Variants in TDO2 observed in about 807,000 individuals in gnomAD.
The protein encoded by TDO2 is tryptamin 2,3-dioxygenase.
Under a neutral mutation model 61.2 loss-of-function variants are expected in TDO2, and 63 were observed. The observed-to-expected ratio is 1.03, with a 90% CI of 0.84 to 1.27. The LOEUF (loss-of-function observed/expected upper bound fraction) is 1.27, where lower values mean the gene tolerates loss of function less well. TDO2 is among the 50% of genes most tolerant of loss of function. The probability of loss-of-function intolerance (pLI) is 0.00; values close to 1 mark genes in which losing one functional copy is unlikely to be tolerated. For synonymous variants in TDO2, 183 were observed against 164.0 expected (o/e 1.12, Z -0.89); for missense variants, 494 against 469.5 (o/e 1.05, Z -0.48).
intron 6 of TDO2, among the ~76,000 whole-genome samples, chr4:155,910,623 A>G (rs918181001): frequency 2.0e-5 from 3 of 152,170 alleles, no homozygotes; most frequent in Non-Finnish European, 4.4e-5. Flanking sequence ...TAAATTACTA[A>G]GAATATACAC....
chr4:155,917,281 C>T lies in TDO2; in HGVS notation c.897-114C>T, dbSNP rs1742957772. On this transcript the variant is annotated intron_variant, in intron 9 of 11. Coordinates refer to ENST00000536354, the MANE Select transcript of TDO2 (RefSeq NM_005651.4). ...ATAAGCCAAAGCTGCCACAGCTCCT[C>T]ACAGGCAAAGCTGACATTTGTTTCC... is the stretch of plus-strand genomic sequence containing the variant. 3 of 795,014 alleles carry T rather than the reference C, an allele frequency of 3.8e-6. No homozygotes were observed. The East Asian group carries it at 8.3e-5, about 22-fold the overall frequency. 49.2% of individuals were successfully genotyped at this position (795,014 alleles called of 1,614,324 possible).
At chr4:155,914,545 A>G (rs1305728074) in intron 8 of TDO2, 111 bp downstream of exon 8, 1 of 734,296 alleles carries the variant, frequency 1.4e-6, no homozygotes, top group African/African-American at 1.9e-5. Context: ...ATGAAAATTG[A>G]TATTCTACTG....
chr4:155,909,243 C>A (rs560697145), intron 5 of TDO2, among the ~76,000 whole-genome samples: 3 of 152,118 alleles, frequency 2.0e-5, no homozygotes, highest in African/African-American at 7.2e-5. Flanking sequence ...TTAAATTCAT[C>A]ACTGTGTGTT....
chr4:155,915,222 A>G (rs2110881021), intron 8 of TDO2, among the ~76,000 whole-genome samples: 1 of 152,330 alleles, frequency 6.6e-6, no homozygotes, highest in East Asian at 1.9e-4. Flanking sequence ...CTTTTTGGAA[A>G]TATGCAGAAT....
chr4:155,917,943 G>A (rs1490412440), intron 10 of TDO2, among the ~76,000 whole-genome samples: 2 of 152,152 alleles, frequency 1.3e-5, no homozygotes, highest in African/African-American at 4.8e-5. Flanking sequence ...GAAGGATGGA[G>A]TGAAATGCAT....
At chr4:155,904,408 T>C (rs2110861090) in intron 2 of TDO2, among the ~76,000 whole-genome samples, 1 of 152,306 alleles carries the variant, frequency 6.6e-6, no homozygotes, top group Non-Finnish European at 1.5e-5. Context: ...TTCACAGGCA[T>C]TGTGCAACTT....
intron 8 of TDO2, 39 bp downstream of exon 8, chr4:155,914,473 T>A: frequency 1.4e-6 from 2 of 1,398,474 alleles, no homozygotes; most frequent in Non-Finnish European, 2.0e-6. Flanking sequence ...CCCTGGAATG[T>A]GTGAATATGA....
In TDO2 at chr4:155,915,918, G is replaced by A; in HGVS notation, c.896+6G>A. The A allele has an allele frequency of 1.2e-6, 2 of 1,605,378 alleles. No individual in the cohort carries two copies. The highest frequency in any genetic ancestry group is 1.7e-6 in the Non-Finnish European group (2 of 1,176,522). ...TTGATGATATATTTTTACAGGTAAA[G>A]CAAATCCGAAGAGAGACTGAAGTTA... On this transcript the variant is annotated splice_donor_region_variant and intron_variant, in intron 9 of 11. Transcript: ENST00000536354.
At chr4:155,910,358 T>G (rs1416923433) in intron 6 of TDO2, 147 bp downstream of exon 6, 1 of 607,546 alleles carries the variant, frequency 1.6e-6, no homozygotes, top group African/African-American at 2.0e-5. Flanking sequence ...ATACATGAAT[T>G]TGTAAATTCA....
At chr4:155,908,443 CAT>C (rs3839140) in intron 4 of TDO2, among the ~76,000 whole-genome samples, 119,269 of 151,902 alleles carry the variant, frequency 0.79, 49,189 homozygotes, top group Non-Finnish European at 0.91. Context: ...ACATGGGACC[CAT>C]ACAGATGGGA....
chr4:155,907,817 G>C, intron 4 of TDO2, 25 bp downstream of exon 4: 1 of 1,567,420 alleles, frequency 6.4e-7, no homozygotes. Flanking sequence ...CACAATATTG[G>C]TTTCATGTAT....
intron 3 of TDO2, chr4:155,906,724 AT>A (rs1742725645): frequency 6.6e-6 from 1 of 152,302 alleles, no homozygotes; most frequent in African/African-American, 2.4e-5. Flanking sequence ...TATATTTGCT[AT>A]GAATCATCTA....
Position 155,919,843 on chromosome 4 carries a change from G to T in TDO2, c.1074G>T (p.Arg358Ser). 6.2e-7 allele frequency: 1 copy of T among 1,612,264 alleles called. No homozygotes were observed. The change falls in exon 12 of 12, where the codon AGG becomes AGT. Residue 358 changes from arginine to serine, a missense_variant. By Grantham distance (110) the Arg-to-Ser change is moderately radical. Coordinates refer to ENST00000536354, the MANE Select transcript of TDO2 (RefSeq NM_005651.4). Reference sequence around the variant, plus strand: ...TTCATGTATGTTTTTCCAGTGATAGGTACAAGGTATTTGTAGATTTATTTA... The same window carrying T: ...TTCATGTATGTTTTTCCAGTGATAGTTACAAGGTATTTGTAGATTTATTTA... ...YHYLRSTVSD[R>S]YKVFVDLFNL...
At position 155,917,401 on chromosome 4, in the gene TDO2, G is replaced by T; in HGVS notation, c.903G>T (p.Glu301Asp). 6.2e-7 allele frequency: 1 copy of T among 1,609,328 alleles called. No individual in the cohort carries two copies. The highest frequency in any genetic ancestry group is 8.5e-7 in the Non-Finnish European group (1 of 1,178,162). Reference protein sequence around the residue: ...GALMIYFYREEPRFQVPFQLL... With the variant: ...GALMIYFYREDPRFQVPFQLL... ...TCTTCTTTTTTTCCTTTAGGGAAGA[G>T]CCTAGGTTCCAGGTGCCTTTTCAGT... Residue 301 changes from glutamate to aspartate, a missense_variant, in exon 10 of 12, where the codon GAG becomes GAT. By Grantham distance (45) the Glu-to-Asp change is conservative. Coordinates refer to ENST00000536354, the MANE Select transcript of TDO2 (RefSeq NM_005651.4).
At chr4:155,919,695 TATATG>T in intron 11 of TDO2, 137 bp from the exon 12 acceptor site, 1 of 651,394 alleles carries the variant, frequency 1.5e-6, no homozygotes, top group Non-Finnish European at 2.5e-6. Flanking sequence ...CCTAATTTAA[TATATG>T]ATATATACAA....
At chr4:155,912,444 T>G (rs1369782665) in intron 7 of TDO2, among the ~76,000 whole-genome samples, 1 of 152,152 alleles carries the variant, frequency 6.6e-6, no homozygotes, top group Admixed American at 6.5e-5. Flanking sequence ...CAATGGCCAT[T>G]TTTAATCTTA....
rs1191949559 is a variant in TDO2, at chr4:155,903,834, G to C, written c.35+41G>C. The C allele has an allele frequency of 1.9e-6, 3 of 1,608,484 alleles. No individual in the cohort carries two copies. The African/African-American group carries it at 4.0e-5, about 22-fold the overall frequency. On this transcript the variant is annotated intron_variant, in intron 1 of 11. Coordinates refer to ENST00000536354, the MANE Select transcript of TDO2 (RefSeq NM_005651.4). ...TATTCTAAGTGGGTTTTGGCTTTTA[G>C]AAGTATCAGGTGTGAGCATTTTAAT...
At position 155,918,199 on chromosome 4, in the gene TDO2, G is replaced by C; in HGVS notation, c.1027G>C (p.Gly343Arg). The C allele has an allele frequency of 6.2e-7, 1 of 1,614,066 alleles. No individual in the cohort carries two copies. Among genetic ancestry groups the C allele is most frequent in the South Asian group, 1.1e-5 (1 of 91,072 alleles). Reference protein sequence around the residue: ...HRMLGSKAGTGGSSGYHYLRS... With the variant: ...HRMLGSKAGTRGSSGYHYLRS... The stretch of plus-strand genomic sequence containing the variant: ...AATGCTGGGCAGCAAAGCTGGCACC[G>C]GTGGTTCCTCAGGCTATCACTACCT... The change falls in exon 11 of 12, where the codon GGT becomes CGT. Residue 343 changes from glycine (G) to arginine (R), a missense_variant. By Grantham distance (125) the Gly-to-Arg change is moderately radical. Coordinates refer to ENST00000536354, the MANE Select transcript of TDO2 (RefSeq NM_005651.4).
chr4:155,908,752 T>C, intron 4 of TDO2, 135 bp from the exon 5 acceptor site: 1 of 1,112,690 alleles, frequency 9.0e-7, no homozygotes, highest in South Asian at 1.7e-5. Context: ...ATATACTCTT[T>C]GCAAATTTTA....
Sources: gnomAD v4.1 joint callset for allele counts (sites outside exome capture counted in the v4.1 genomes callset) on GRCh38, gnomAD v4.1.1 for gene constraint, MANE v1.5 for transcripts, NCBI Gene and HGNC (gene_info 2026-07-23, HGNC 2026-07-21) for gene names.